ANPEP: variants seen among roughly 807,000 people sequenced by gnomAD.
ANPEP encodes the protein alanyl aminopeptidase, membrane.
A neutral mutation model predicts 114.6 loss-of-function variants in ANPEP; 70 were observed. That is an observed-to-expected ratio of 0.61 (90% CI 0.50 to 0.75). ANPEP has a LOEUF of 0.75. ANPEP is among the 30% of genes least tolerant of loss of function. The pLI, the probability that ANPEP is intolerant of heterozygous loss-of-function variation, is 0.00. For synonymous variants in ANPEP, 548 were observed against 522.3 expected, an observed-to-expected ratio of 1.05 and a Z score of -0.67; for missense variants, 1,184 against 1,259.5, an observed-to-expected ratio of 0.94 and a Z score of 0.91.
At chr15:89,808,343 G>A (rs10152918) in intron 1 of ANPEP, among the ~76,000 whole-genome samples, 70,360 of 152,058 alleles carry the variant, frequency 0.46, 18,306 homozygotes, top group African/African-American at 0.7. Context: ...TAGCTCCACA[G>A]ACCTGTTCTG....
At chr15:89,795,054 A>G (rs1968702842) in intron 15 of ANPEP, among the ~76,000 whole-genome samples, 1 of 151,700 alleles carries the variant, frequency 6.6e-6, no homozygotes, top group African/African-American at 2.4e-5. Flanking sequence ...AAAAGAGGCC[A>G]AAACAAACAC....
In ANPEP at chr15:89,803,386, G is replaced by A; in HGVS notation, c.1503+56C>T. On this transcript the variant is annotated intron_variant, in intron 9 of 20. Transcript: ENST00000300060. The surrounding 1 kb of genome is among the most constrained non-coding windows in gnomAD (Gnocchi z 4.2). ...TGTGGTGGGCAGAGGCCCGGGTCAAGGGCGAGGGGCAGAAGGAGACCCACC... is the reference window on the plus strand; with the variant it reads ...TGTGGTGGGCAGAGGCCCGGGTCAAAGGCGAGGGGCAGAAGGAGACCCACC... The A allele has an allele frequency of 1.2e-6, 2 of 1,613,196 alleles. No homozygotes were observed. Among genetic ancestry groups the A allele is most frequent in the Non-Finnish European group, 8.5e-7 (1 of 1,179,390 alleles).
At chr15:89,793,354 C>T (rs1330898990) in intron 15 of ANPEP, among the ~76,000 whole-genome samples, 4 of 152,230 alleles carry the variant, frequency 2.6e-5, no homozygotes, top group Admixed American at 6.5e-5. Context: ...TCTTTGTCTA[C>T]GGGTCACCAT....
chr15:89,788,025 A>G (rs980329946), intron 20 of ANPEP, among the ~76,000 whole-genome samples: 2 of 152,238 alleles, frequency 1.3e-5, no homozygotes, highest in African/African-American at 2.4e-5. Context: ...CATGTGATAC[A>G]CTGCTAATAG....
chr15:89,791,126 TA>T (rs1968615571), intron 18 of ANPEP, 33 bp from the exon 19 acceptor site: 1 of 1,610,302 alleles, frequency 6.2e-7, no homozygotes, highest in Non-Finnish European at 8.5e-7. Context: ...CAGCTACTGC[TA>T]ATTCAGGTGA....
At chr15:89,809,894 G>GC (rs746962129) in intron 1 of ANPEP, among the ~76,000 whole-genome samples, 27 of 152,200 alleles carry the variant, frequency 1.8e-4, no homozygotes, top group Non-Finnish European at 5.9e-5. Context: ...GATCATCGGG[G>GC]CTTTTTCATA....
intron 15 of ANPEP, 140 bp downstream of exon 15, chr15:89,797,435 C>CT (rs3214806): frequency 0.099 from 121,816 of 1,234,442 alleles, 8,961 homozygotes; most frequent in Admixed American, 0.37. Context: ...GGCAATCTTT[C>CT]TTTTTTTTTG....
At position 89,799,938 on chromosome 15, in the gene ANPEP, A is replaced by G. The variant is rs1894553197; in HGVS notation, c.1820-379T>C. On this transcript the variant is annotated intron_variant, in intron 12 of 20. Transcript: ENST00000300060. This position sits in a 1 kb window ranked among gnomAD's most constrained non-coding sequence, Gnocchi z 4.2. Reference sequence around the variant, plus strand: ...AGCTCCTCCTCTCCCTTCCCCTCCCATTCACCCAGACCCCCAGTGCTGCTG... The same window carrying G: ...AGCTCCTCCTCTCCCTTCCCCTCCCGTTCACCCAGACCCCCAGTGCTGCTG... Among the ~76,000 whole-genome samples the G allele has an allele frequency of 6.6e-6, 1 of 151,872 alleles. No individual in the cohort carries two copies. Among genetic ancestry groups the G allele is most frequent in the Non-Finnish European group, 1.5e-5 (1 of 67,944 alleles).
At chr15:89,785,642 C>T (rs1284322433) in intron 20 of ANPEP, 141 bp from the exon 21 acceptor site, 11 of 1,245,554 alleles carry the variant, frequency 8.8e-6, no homozygotes, top group East Asian at 2.4e-5. Context: ...ATAGGCAGGA[C>T]GTCCACCTTG....
intron 1 of ANPEP, among the ~76,000 whole-genome samples, chr15:89,807,438 C>T (rs944158307): frequency 1.1e-4 from 16 of 152,188 alleles, no homozygotes; most frequent in Admixed American, 5.2e-4. Context: ...TGGTGGCTCA[C>T]GCCTGTAATC....
intron 1 of ANPEP, among the ~76,000 whole-genome samples, chr15:89,807,920 C>T (rs191353356): frequency 1.1e-4 from 17 of 152,304 alleles, no homozygotes; most frequent in African/African-American, 1.4e-4. Context: ...ATTCCCCCAT[C>T]GCAAGATGCA....
intron 14 of ANPEP, 101 bp from the exon 15 acceptor site, chr15:89,797,823 GC>G: frequency 6.7e-7 from 1 of 1,497,980 alleles, no homozygotes; most frequent in South Asian, 1.2e-5. Context: ...ACACCCCTAG[GC>G]CCCCTGTATC....
In ANPEP at chr15:89,806,170, G is replaced by A. The variant is rs1894708852; in HGVS notation, c.414C>T (p.Val138=). The A allele has an allele frequency of 6.2e-7, 1 of 1,613,982 alleles. No individual in the cohort carries two copies. Among genetic ancestry groups the A allele is most frequent in the South Asian group, 1.1e-5 (1 of 91,078 alleles). ...GCTGGGAGCCTCCCACACCACGCAG[G>A]ACCACCCTGTGCCCCTGGCTGAGGG... The part of the protein sequence containing the change: ...NYTLSQGHRV[V]LRGVGGSQPP... Residue 138 remains valine, a synonymous_variant, in exon 2 of 21, where the codon GTC becomes GTT. Coordinates refer to ENST00000300060, the MANE Select transcript of ANPEP (RefSeq NM_001150.3). The surrounding 1 kb of genome is among the most constrained non-coding windows in gnomAD (Gnocchi z 5.7).
chr15:89,809,447 C>T (rs1322820151), intron 1 of ANPEP, among the ~76,000 whole-genome samples: 1 of 152,242 alleles, frequency 6.6e-6, no homozygotes, highest in African/African-American at 2.4e-5. Context: ...CTCTTCTGGA[C>T]AAGGCCTCTG....
At chr15:89,798,256 T>A (rs930779940) in intron 14 of ANPEP, among the ~76,000 whole-genome samples, 1 of 152,206 alleles carries the variant, frequency 6.6e-6, no homozygotes, top group Non-Finnish European at 1.5e-5. Context: ...AATAAGTACC[T>A]GTTTATCCAT....
chr15:89,801,268 T>G, intron 11 of ANPEP, 81 bp from the exon 12 acceptor site: 1 of 1,559,242 alleles, frequency 6.4e-7, no homozygotes, highest in Non-Finnish European at 8.8e-7. Context: ...GCTCCCAGCT[T>G]CTGCCCAGCT....
At chr15:89,814,353 C>T (rs992639731) in intron 1 of ANPEP, among the ~76,000 whole-genome samples, 1 of 152,158 alleles carries the variant, frequency 6.6e-6, no homozygotes, top group African/African-American at 2.4e-5. Context: ...ACAGGCGGGC[C>T]GGGTTCGCCC....
chr15:89,791,328 C>A (rs879672554), intron 18 of ANPEP, among the ~76,000 whole-genome samples: 5 of 152,192 alleles, frequency 3.3e-5, no homozygotes, highest in Non-Finnish European at 7.3e-5. Context: ...AAATATTTGA[C>A]AATGAATCAA....
In ANPEP at chr15:89,801,573, G is replaced by A. The variant is rs1285452145; in HGVS notation, c.1604C>T (p.Thr535Ile). 3 of 1,614,088 alleles carry A rather than the reference G, an allele frequency of 1.9e-6. No homozygotes were observed. The highest frequency in any genetic ancestry group is 2.2e-5 in the East Asian group (1 of 44,888). Reference sequence around the variant, plus strand: ...CCAGCGGTTCATGATGTCCCGCACGGTGGTGGGGAGTTGGATGGACCGGTT... The same window carrying A: ...CCAGCGGTTCATGATGTCCCGCACGATGGTGGGGAGTTGGATGGACCGGTT... ...VNNRSIQLPT[T>I]VRDIMNRWTL... is the part of the protein sequence containing the mutation. Residue 535 changes from threonine to isoleucine, a missense_variant, in exon 11 of 21, where the codon ACC (threonine) becomes ATC (isoleucine). Transcript: ENST00000300060.
Sources: allele counts gnomAD v4.1 joint callset (sites outside exome capture counted in the v4.1 genomes callset), GRCh38; gene constraint gnomAD v4.1.1; non-coding constraint Gnocchi (gnomAD v3.1); transcripts MANE v1.5; gene names NCBI Gene and HGNC (gene_info 2026-07-23, HGNC 2026-07-21).